Variants in TMPRSS11F observed in about 807,000 individuals in gnomAD.
TMPRSS11F encodes transmembrane serine protease 11F, also known as transmembrane protease serine 11F.
A neutral mutation model predicts 60.2 loss-of-function variants in TMPRSS11F; 47 were observed. The ratio of observed to expected loss-of-function variants is 0.78; its 90% CI spans 0.62 to 1.00. The LOEUF is 1.00. Among genes scored for constraint, TMPRSS11F ranks in the 50% least tolerant of loss-of-function variants. TMPRSS11F has a pLI of 0.00. For missense variants in TMPRSS11F, 519 were observed against 522.9 expected (o/e 0.99, Z 0.07); for synonymous variants, 166 against 167.3 (o/e 0.99, Z 0.06).
intron 3 of TMPRSS11F, among the ~76,000 whole-genome samples, chr4:68,083,246 C>T (rs1222182012): frequency 6.6e-6 from 1 of 152,170 alleles, no homozygotes; most frequent in Non-Finnish European, 1.5e-5. Context: ...CTTGGACTGT[C>T]ACTAGTAGAG....
intron 2 of TMPRSS11F, among the ~76,000 whole-genome samples, chr4:68,096,154 A>G (rs1724071097): frequency 1.3e-5 from 2 of 152,182 alleles, no homozygotes; most frequent in South Asian, 4.1e-4. Flanking sequence ...GCCTTCAACA[A>G]GGCAGATGAT....
At chr4:68,129,415 C>T (rs1233287124) in intron 1 of TMPRSS11F, among the ~76,000 whole-genome samples, 1 of 151,826 alleles carries the variant, frequency 6.6e-6, no homozygotes, top group Non-Finnish European at 1.5e-5. Flanking sequence ...ATTTAATTTT[C>T]CCAGAATATA....
intron 9 of TMPRSS11F, among the ~76,000 whole-genome samples, chr4:68,056,907 T>C (rs1723059268): frequency 6.6e-6 from 1 of 152,196 alleles, no homozygotes. Flanking sequence ...ATTGATTTGT[T>C]GACAAAGATG....
chr4:68,080,158 C>T (rs1723662907), intron 3 of TMPRSS11F: 1 of 152,282 alleles, frequency 6.6e-6, no homozygotes, highest in Non-Finnish European at 1.5e-5. Context: ...TTTTCTTCTT[C>T]TGAACTCCTA....
chr4:68,072,226 A>ATATATATATATATATATATATCTCCC (rs61224244), intron 5 of TMPRSS11F, 97 bp downstream of exon 5: 1 of 79,248 alleles, frequency 1.3e-5, no homozygotes, highest in Non-Finnish European at 2.4e-5. Context: ...TCTTCCAAAA[A>ATATATATATATATATATATATCTCCC]AAAAATATAT....
At chr4:68,105,749 A>G (rs957582687) in intron 1 of TMPRSS11F, among the ~76,000 whole-genome samples, 7 of 152,206 alleles carry the variant, frequency 4.6e-5, no homozygotes, top group Admixed American at 4.6e-4. Context: ...GTTACTCACT[A>G]ATATTATTTT....
At chr4:68,057,190 C>T (rs1430485636) in intron 9 of TMPRSS11F, among the ~76,000 whole-genome samples, 2 of 147,484 alleles carry the variant, frequency 1.4e-5, no homozygotes, top group Non-Finnish European at 3.0e-5. Flanking sequence ...GAAGCTGAGA[C>T]AGGAGAATAA....
intron 3 of TMPRSS11F, among the ~76,000 whole-genome samples, chr4:68,079,109 C>T (rs764466733): frequency 3.3e-5 from 5 of 149,682 alleles, no homozygotes; most frequent in Non-Finnish European, 6.0e-5. Context: ...TAAAAGCTTA[C>T]AAGTATTAAT....
At chr4:68,059,251 TA>T in intron 9 of TMPRSS11F, 74 bp downstream of exon 9, 1 of 1,521,814 alleles carries the variant, frequency 6.6e-7, no homozygotes, top group Non-Finnish European at 8.9e-7. Flanking sequence ...TTCTCCTAGG[TA>T]AAATATATGC....
chr4:68,104,813 T>A (rs1385203527), intron 1 of TMPRSS11F, among the ~76,000 whole-genome samples: 1 of 152,200 alleles, frequency 6.6e-6, no homozygotes, highest in Non-Finnish European at 1.5e-5. Flanking sequence ...ATCACATTGA[T>A]TGATGTATGT....
At chr4:68,077,596 A>C (rs2109851671) in intron 3 of TMPRSS11F, 1 of 152,328 alleles carries the variant, frequency 6.6e-6, no homozygotes, top group South Asian at 2.1e-4. Context: ...AGCAAGGAAA[A>C]CAGCACAGCA....
chr4:68,056,230 T>G (rs1396194165), intron 9 of TMPRSS11F, among the ~76,000 whole-genome samples: 3 of 152,080 alleles, frequency 2.0e-5, no homozygotes, highest in East Asian at 1.9e-4. Flanking sequence ...AAGGAAGACA[T>G]GAAATTGTCT....
chr4:68,113,563 C>G (rs906460379), intron 1 of TMPRSS11F, among the ~76,000 whole-genome samples: 8 of 152,060 alleles, frequency 5.3e-5, no homozygotes, highest in Admixed American at 2.0e-4. Context: ...ATAAAAGGGT[C>G]AATTCATCAA....
At position 68,053,487 on chromosome 4, in the gene TMPRSS11F, A is replaced by G. The variant is rs1722982438; in HGVS notation, c.*422T>C. 6.5e-6 allele frequency: 1 copy of G among 154,816 alleles called. No homozygotes were observed. The highest frequency in any genetic ancestry group is 1.4e-5 in the Non-Finnish European group (1 of 69,616). The allele number at this position is 154,816 out of a possible 1,614,324, so 9.6% of individuals were successfully genotyped here. A position where few individuals can be genotyped will look rare whatever the true frequency, so the allele number is the denominator to read the frequency against. ...TCCACTTATCAGTTCTAGAATGTTG[A>G]AGCCCTGAGTCTTCAGGGAAGACTG... On this transcript the variant is annotated 3_prime_UTR_variant, in exon 10 of 10. Transcript: ENST00000356291.
intron 1 of TMPRSS11F, among the ~76,000 whole-genome samples, chr4:68,117,563 G>A (rs1236672626): frequency 1.3e-5 from 2 of 151,216 alleles, no homozygotes; most frequent in Non-Finnish European, 2.9e-5. Flanking sequence ...TTTATGAGAC[G>A]GTGAACAACA....
intron 3 of TMPRSS11F, chr4:68,080,165 C>T (rs1723663044): frequency 2.0e-5 from 3 of 152,144 alleles, no homozygotes; most frequent in Admixed American, 6.6e-5. Context: ...CTTCTGAACT[C>T]CTATTATGGG....
intron 1 of TMPRSS11F, among the ~76,000 whole-genome samples, chr4:68,099,639 C>G (rs1207224510): frequency 6.6e-6 from 1 of 152,118 alleles, no homozygotes; most frequent in African/African-American, 2.4e-5. Context: ...TGTCTAAATT[C>G]TCAAATAAGA....
chr4:68,072,199 T>TTATATATATATATA (rs58878382), intron 5 of TMPRSS11F, 124 bp downstream of exon 5: 1 of 91,132 alleles, frequency 1.1e-5, no homozygotes, highest in African/African-American at 4.2e-5. Context: ...TGCTGAGATT[T>TTATATATATATATA]TATATATATA....
chr4:68,059,000 G>C (rs1039885020), intron 9 of TMPRSS11F, among the ~76,000 whole-genome samples: 2 of 152,114 alleles, frequency 1.3e-5, no homozygotes, highest in South Asian at 2.1e-4. Context: ...GGAATGGAAA[G>C]AAAACTTGTT....
Sources: allele counts gnomAD v4.1 joint callset (sites outside exome capture counted in the v4.1 genomes callset), GRCh38; gene constraint gnomAD v4.1.1; transcripts MANE v1.5; gene names NCBI Gene and HGNC (gene_info 2026-07-23, HGNC 2026-07-21).